NFIA: variants seen among roughly 807,000 people sequenced by gnomAD.
The protein encoded by NFIA is nuclear factor 1 A-type.
Under a neutral mutation model 62.8 loss-of-function variants are expected in NFIA, and 8 were observed. The observed-to-expected ratio is 0.13, with a 90% confidence interval of 0.07 to 0.23. The LOEUF (loss-of-function observed/expected upper bound fraction) is 0.23, where lower values mean the gene tolerates loss of function less well. Among genes scored for constraint, NFIA ranks in the 10% least tolerant of loss-of-function variants. The pLI is 1.00. For missense variants in NFIA, 410 were observed against 642.1 expected (o/e 0.64, Z 3.91); for synonymous variants, 235 against 238.1 (o/e 0.99, Z 0.12).
At chr1:61,354,045 G>A (rs564763438) in intron 5 of NFIA, among the ~76,000 whole-genome samples, 1 of 152,166 alleles carries the variant, frequency 6.6e-6, no homozygotes, top group Admixed American at 6.5e-5. Flanking sequence ...TGTGTGTGCT[G>A]TATGTGTACC....
intron 4 of NFIA, among the ~76,000 whole-genome samples, chr1:61,334,584 TATATATATATA>T (rs1426457355): frequency 8.3e-6 from 1 of 120,508 alleles, no homozygotes; most frequent in African/African-American, 3.4e-5. Context: ...TATATATATA[TATATATATATA>T]TATATATATA....
chr1:61,180,309 C>T (rs1386655291), intron 2 of NFIA, among the ~76,000 whole-genome samples: 1 of 152,180 alleles, frequency 6.6e-6, no homozygotes, highest in Non-Finnish European at 1.5e-5. Flanking sequence ...TTTTAGGGGC[C>T]ATCACTATGG....
intron 2 of NFIA, among the ~76,000 whole-genome samples, chr1:61,248,225 T>A (rs1024017039): frequency 6.6e-6 from 1 of 152,172 alleles, no homozygotes; most frequent in Admixed American, 6.5e-5. Context: ...AATGGGCAGA[T>A]AGATTCAAGG....
intron 4 of NFIA, among the ~76,000 whole-genome samples, chr1:61,334,591 ATATATATATATATATATATATG>A (rs1557713954): frequency 2.2e-5 from 2 of 91,156 alleles, no homozygotes; most frequent in Admixed American, 1.2e-4. Flanking sequence ...ATATATATAT[ATATATATATATATATATATATG>A]TATCAGACCA....
At chr1:61,078,066 A>G (rs972606614), upstream of NFIA, among the ~76,000 whole-genome samples, 1 of 152,188 alleles carries the variant, frequency 6.6e-6, no homozygotes, top group East Asian at 1.9e-4. Context: ...CAATGGGACA[A>G]CTTGGGAGAT....
intron 2 of NFIA, among the ~76,000 whole-genome samples, chr1:61,193,374 C>T (rs1045528462): frequency 6.6e-6 from 1 of 152,100 alleles, no homozygotes; most frequent in Non-Finnish European, 1.5e-5. Context: ...CAAACTTTTC[C>T]ATGTATAGAG....
At chr1:61,271,880 C>G (rs987079049) in intron 2 of NFIA, among the ~76,000 whole-genome samples, 1 of 152,048 alleles carries the variant, frequency 6.6e-6, no homozygotes, top group Non-Finnish European at 1.5e-5. Flanking sequence ...ATAAGATTTC[C>G]CATTTAAAGA....
At chr1:61,233,207 A>G (rs1654784844) in intron 2 of NFIA, among the ~76,000 whole-genome samples, 1 of 152,186 alleles carries the variant, frequency 6.6e-6, no homozygotes, top group Non-Finnish European at 1.5e-5. Flanking sequence ...CCTAGAAAAA[A>G]TCTTATACAG....
At chr1:61,210,718 G>A (rs886231711) in intron 2 of NFIA, among the ~76,000 whole-genome samples, 12 of 152,190 alleles carry the variant, frequency 7.9e-5, no homozygotes, top group African/African-American at 2.7e-4. Context: ...ATCACTTGTA[G>A]AGAGGGATGA....
At chr1:61,089,695 C>CTTTTTTTTTTTTTTT (rs918196815) in intron 2 of NFIA, among the ~76,000 whole-genome samples, 2 of 107,750 alleles carry the variant, frequency 1.9e-5, no homozygotes, top group African/African-American at 7.0e-5. Context: ...GTTTTTTTTT[C>CTTTTTTTTTTTTTTT]TTTTTTTTTT....
chr1:61,379,028 T>G (rs1371657845), intron 6 of NFIA, among the ~76,000 whole-genome samples: 1 of 152,244 alleles, frequency 6.6e-6, no homozygotes, highest in Non-Finnish European at 1.5e-5. Context: ...ACTCACCTGA[T>G]TGGGGACCTT....
upstream of NFIA, among the ~76,000 whole-genome samples, chr1:61,080,376 G>GA (rs1309004046): frequency 6.6e-6 from 1 of 150,802 alleles, no homozygotes; most frequent in East Asian, 1.9e-4. Flanking sequence ...TTGCCGTTTT[G>GA]AAAATAGGCA....
chr1:61,162,586 C>G (rs969928674), intron 2 of NFIA, among the ~76,000 whole-genome samples: 1 of 152,224 alleles, frequency 6.6e-6, no homozygotes, highest in East Asian at 1.9e-4. Context: ...GGGCACTATC[C>G]GTATTCTTAG....
intron 3 of NFIA, among the ~76,000 whole-genome samples, chr1:61,293,272 C>A (rs1378288427): frequency 6.6e-6 from 1 of 152,086 alleles, no homozygotes; most frequent in Non-Finnish European, 1.5e-5. Flanking sequence ...AATGTGCCAT[C>A]AAGATATTTC....
chr1:61,301,590 C>T (rs1220792497), intron 3 of NFIA, among the ~76,000 whole-genome samples: 4 of 152,130 alleles, frequency 2.6e-5, no homozygotes, highest in Admixed American at 2.6e-4. Flanking sequence ...CAAGCATTTA[C>T]CCTTGTGGTT....
intron 2 of NFIA, among the ~76,000 whole-genome samples, chr1:61,145,022 C>T (rs2100512175): frequency 6.6e-6 from 1 of 152,240 alleles, no homozygotes; most frequent in Middle Eastern, 3.4e-3. Context: ...TTCCCCTTTA[C>T]CTCTTAATTT....
At chr1:61,213,127 G>A (rs1386729271) in intron 2 of NFIA, among the ~76,000 whole-genome samples, 3 of 152,142 alleles carry the variant, frequency 2.0e-5, no homozygotes, top group African/African-American at 4.8e-5. Flanking sequence ...GTATAACCCC[G>A]AGGGCAACAA....
At chr1:61,261,994 A>G (rs547628742) in intron 2 of NFIA, among the ~76,000 whole-genome samples, 74 of 152,270 alleles carry the variant, frequency 4.9e-4, no homozygotes, top group Non-Finnish European at 7.9e-4. Context: ...TTATATTTAA[A>G]TGTACTTGCA....
rs1250394566 is a variant in NFIA at position 61,459,931 on chromosome 1, CTTTT to C, written c.*4613_*4616del. 2.0e-5 allele frequency: 3 copies of C among 151,922 alleles called. No individual in the cohort carries two copies. The highest frequency in any genetic ancestry group is 4.4e-5 in the Non-Finnish European group (3 of 68,042). 9.4% of individuals were successfully genotyped at this position (151,922 alleles called of 1,614,324 possible). ...TGGTGGAGTCTCTCTCTCTCTCTCT[CTTTT>C]TGTTTGCTTCTGTTTTCTTTCTTGT... is the stretch of plus-strand genomic sequence containing the variant. On this transcript the variant is annotated 3_prime_UTR_variant, in exon 11 of 11. Transcript: ENST00000403491.
Sources: allele counts gnomAD v4.1 joint callset (sites outside exome capture counted in the v4.1 genomes callset), GRCh38; gene constraint gnomAD v4.1.1; transcripts MANE v1.5; gene names NCBI Gene and HGNC (gene_info 2026-07-23, HGNC 2026-07-21).